DPRX: variants seen among roughly 807,000 people sequenced by gnomAD.
DPRX encodes the protein divergent paired-related homeobox.
DPRX carries 11 observed loss-of-function variants against 8.4 expected under a neutral mutation model. That is an observed-to-expected ratio of 1.31 (90% CI 0.82 to 2.17). The LOEUF is 2.17. DPRX is among the 30% of genes most tolerant of loss of function. DPRX has a pLI of 0.00. For missense variants in DPRX, 211 were observed against 236.7 expected, an observed-to-expected ratio of 0.89 and a Z score of 0.71; for synonymous variants, 72 against 87.0, an observed-to-expected ratio of 0.83 and a Z score of 0.96.
the DPRX span, among the ~76,000 whole-genome samples, chr19:53,623,419 A>C: frequency 6.7e-6 from 1 of 149,266 alleles, no homozygotes; most frequent in South Asian, 2.1e-4. Flanking sequence ...AGGGCGGATC[A>C]CCTGAGGTTG....
At chr19:53,615,403 C>T in the DPRX span, among the ~76,000 whole-genome samples, 3 of 152,162 alleles carry the variant, frequency 2.0e-5, no homozygotes, top group Non-Finnish European at 4.4e-5. Flanking sequence ...ACCTCAGCCT[C>T]CTGAGTAGCT....
chr19:53,611,547 G>A, the DPRX span, among the ~76,000 whole-genome samples: 6 of 152,054 alleles, frequency 3.9e-5, no homozygotes, highest in African/African-American at 1.2e-4. Context: ...TATTTATGGT[G>A]GAAATAAGGA....
At chr19:53,603,536 G>A in the DPRX span, 55 of 398,304 alleles carry the variant, frequency 1.4e-4, no homozygotes, top group South Asian at 8.5e-4. Context: ...TGAAATTCTC[G>A]TCTGGCTGGT....
the DPRX span, chr19:53,616,800 C>G: frequency 1.3e-6 from 2 of 1,586,074 alleles, no homozygotes; most frequent in South Asian, 2.2e-5. Context: ...TTGCTGCCAC[C>G]AACATGGAGA....
the DPRX span, among the ~76,000 whole-genome samples, chr19:53,609,422 A>G: frequency 1.4e-5 from 2 of 145,126 alleles, no homozygotes; most frequent in Non-Finnish European, 3.0e-5. Context: ...AGCCAAGACC[A>G]CACCACTGTA....
At chr19:53,636,469 T>A (rs2122168520) in intron 2 of DPRX, 127 bp from the exon 3 acceptor site, 1 of 818,298 alleles carries the variant, frequency 1.2e-6, no homozygotes, top group Non-Finnish European at 1.6e-6. Flanking sequence ...ACTTAAAGGT[T>A]AAAAAAAAGA....
upstream of DPRX, among the ~76,000 whole-genome samples, chr19:53,628,784 T>C (rs2122153025): frequency 6.6e-6 from 1 of 151,816 alleles, no homozygotes; most frequent in South Asian, 2.1e-4. Context: ...AGATGAGGTT[T>C]CTCCATGTTG....
chr19:53,603,887 A>G, the DPRX span, among the ~76,000 whole-genome samples: 1 of 151,702 alleles, frequency 6.6e-6, no homozygotes, highest in South Asian at 2.1e-4. Flanking sequence ...CTGGGATTAC[A>G]GGAGACCACC....
the DPRX span, among the ~76,000 whole-genome samples, chr19:53,615,561 G>T: frequency 3.3e-5 from 5 of 152,096 alleles, no homozygotes; most frequent in African/African-American, 1.2e-4. Context: ...GATTACAGGT[G>T]CGAGCCACTG....
the DPRX span, among the ~76,000 whole-genome samples, chr19:53,611,638 A>G: frequency 6.6e-6 from 1 of 152,186 alleles, no homozygotes; most frequent in South Asian, 2.1e-4. Context: ...GACAATGCTT[A>G]AGGAGGAGAA....
At chr19:53,626,868 T>C in the DPRX span, among the ~76,000 whole-genome samples, 1 of 151,968 alleles carries the variant, frequency 6.6e-6, no homozygotes, top group South Asian at 2.1e-4. Flanking sequence ...CTGGCTAATT[T>C]TTTTTGTATT....
chr19:53,602,274 G>A, the DPRX span: 5 of 152,338 alleles, frequency 3.3e-5, no homozygotes, highest in South Asian at 2.8e-4. Flanking sequence ...ATGGGTGTGT[G>A]TGTGTGTGTG....
At chr19:53,636,037 G>A (rs2091110616) in intron 2 of DPRX, among the ~76,000 whole-genome samples, 1 of 152,174 alleles carries the variant, frequency 6.6e-6, no homozygotes, top group Non-Finnish European at 1.5e-5. Flanking sequence ...TGTGGCACTA[G>A]CTGTTCTCAC....
the DPRX span, among the ~76,000 whole-genome samples, chr19:53,620,339 C>G: frequency 2.1e-4 from 31 of 151,058 alleles, no homozygotes; most frequent in South Asian, 1.3e-3. Context: ...AAAGTGCTGA[C>G]ATTACAGGTG....
the DPRX span, among the ~76,000 whole-genome samples, chr19:53,615,874 G>C: frequency 3.3e-5 from 5 of 151,874 alleles, no homozygotes; most frequent in Non-Finnish European, 5.9e-5. Context: ...AGGCCAAGGT[G>C]GGAGGATCAC....
chr19:53,632,732 C>T (rs1465982642), intron 1 of DPRX, among the ~76,000 whole-genome samples: 5 of 152,186 alleles, frequency 3.3e-5, no homozygotes, highest in East Asian at 1.9e-4. Context: ...GCATGAGCCT[C>T]GGTGCCCGGC....
chr19:53,625,102 G>T, the DPRX span, among the ~76,000 whole-genome samples: 1 of 136,550 alleles, frequency 7.3e-6, no homozygotes, highest in South Asian at 2.3e-4. Flanking sequence ...TCGCTCTGTC[G>T]CCCAGCCTAG....
the DPRX span, among the ~76,000 whole-genome samples, chr19:53,602,639 T>G: frequency 6.6e-6 from 1 of 151,802 alleles, no homozygotes; most frequent in Admixed American, 6.6e-5. Context: ...GTTCAAATAA[T>G]TCTCCTGCCT....
At chr19:53,622,354 G>A in the DPRX span, among the ~76,000 whole-genome samples, 1 of 151,946 alleles carries the variant, frequency 6.6e-6, no homozygotes, top group African/African-American at 2.4e-5. Flanking sequence ...AGAGAGAGAG[G>A]GGCTGGGCGT....
Sources: gnomAD v4.1 joint callset for allele counts (sites outside exome capture counted in the v4.1 genomes callset) on GRCh38, gnomAD v4.1.1 for gene constraint, MANE v1.5 for transcripts, NCBI Gene and HGNC (gene_info 2026-07-23, HGNC 2026-07-21) for gene names.